The following DAB1 variants were observed in gnomAD, a reference collection of about 807,000 sequenced individuals.
DAB1 encodes DAB adaptor protein 1.
DAB1 carries 15 observed loss-of-function variants against 64.6 expected under a neutral mutation model. That is an observed-to-expected ratio of 0.23 (90% CI 0.16 to 0.36). The LOEUF (loss-of-function observed/expected upper bound fraction) is 0.36, where lower values mean the gene tolerates loss of function less well. Ranked by LOEUF, DAB1 falls within the 10% of genes least tolerant of loss-of-function variation. The pLI, the probability that DAB1 is intolerant of heterozygous loss-of-function variation, is 1.00. For missense variants in DAB1, 596 were observed against 706.7 expected (o/e 0.84, Z 1.78); for synonymous variants, 235 against 251.9 (o/e 0.93, Z 0.64).
chr1:58,535,050 TAAGA>T (rs1646495092), intron 1 of DAB1, among the ~76,000 whole-genome samples: 1 of 152,150 alleles, frequency 6.6e-6, no homozygotes, highest in Admixed American at 6.5e-5. Context: ...CTATACCTAA[TAAGA>T]AAGTTAAACT....
chr1:58,470,463 C>T (rs6685601), intron 3 of DAB1, among the ~76,000 whole-genome samples: 7,263 of 151,568 alleles, frequency 0.048, 229 homozygotes, highest in East Asian at 0.11. Context: ...CATGAGCCAC[C>T]GCACCTAGCC....
intron 5 of DAB1, among the ~76,000 whole-genome samples, chr1:57,941,831 T>C (rs962160704): frequency 6.6e-6 from 1 of 151,578 alleles, no homozygotes; most frequent in East Asian, 1.9e-4. Flanking sequence ...TGAGACTCCG[T>C]CTCTTAAAAA....
At chr1:57,615,022 A>G (rs1343327586) in intron 7 of DAB1, among the ~76,000 whole-genome samples, 1 of 149,612 alleles carries the variant, frequency 6.7e-6, no homozygotes, top group African/African-American at 2.5e-5. Context: ...GGCACCCACC[A>G]CCGCGCCTGG....
chr1:58,067,450 G>A (rs1557635206), intron 5 of DAB1, among the ~76,000 whole-genome samples: 2 of 152,184 alleles, frequency 1.3e-5, no homozygotes, highest in Admixed American at 6.5e-5. Flanking sequence ...CATAGTTCTT[G>A]TGTGGTTAAG....
In DAB1 at chr1:58,083,523, C is replaced by T. The variant is rs570642062; in HGVS notation, n.387+66988G>A. ...ATGAATGAATGCTGCAAACTCAGGACAGAGTCTGTTTAACTATATATGAAT... is the reference window on the plus strand; with the variant it reads ...ATGAATGAATGCTGCAAACTCAGGATAGAGTCTGTTTAACTATATATGAAT... On this transcript the variant is annotated intron_variant and non_coding_transcript_variant, in intron 5 of 20. Transcript: ENST00000485760. Among the ~76,000 whole-genome samples the T allele has an allele frequency of 9.8e-5, 15 of 152,346 alleles. 1 individual carries two copies. The South Asian group carries it at 3.1e-3, about 32-fold the overall frequency.
chr1:57,161,425 A>G (rs1436194052), intron 2 of DAB1, among the ~76,000 whole-genome samples: 2 of 152,144 alleles, frequency 1.3e-5, no homozygotes, highest in Non-Finnish European at 2.9e-5. Flanking sequence ...TGTAAGACAG[A>G]GCAGGGTGAT....
At chr1:57,099,332 C>T (rs1171378582) in intron 4 of DAB1, among the ~76,000 whole-genome samples, 1 of 152,206 alleles carries the variant, frequency 6.6e-6, no homozygotes. Flanking sequence ...TTGTGTTTAG[C>T]ATGATGTCTG....
At chr1:57,848,097 A>G in intron 1 of DAB1, among the ~76,000 whole-genome samples, 1 of 152,220 alleles carries the variant, frequency 6.6e-6, no homozygotes, top group Non-Finnish European at 1.5e-5. Flanking sequence ...GCCCCTTTCA[A>G]GTATTATGTT....
At chr1:57,261,861 G>C (rs965309311) in intron 2 of DAB1, among the ~76,000 whole-genome samples, 1 of 152,126 alleles carries the variant, frequency 6.6e-6, no homozygotes, top group African/African-American at 2.4e-5. Context: ...GATGAAGTGC[G>C]GTAAAAAATG....
In DAB1 at chr1:57,084,078, C is replaced by A. The variant is rs114201219; in HGVS notation, c.307-11664G>T. 7.2e-3 allele frequency among the ~76,000 whole-genome samples: 1,094 copies of A among 152,250 alleles called. 20 individuals carry two copies. The highest frequency in any genetic ancestry group is 0.025 in the African/African-American group (1,027 of 41,530). On this transcript the variant is annotated intron_variant, in intron 4 of 14. Transcript: ENST00000371236. ...AAGTGTTGAATTATGCCCCCAACCCCCATTCATATATTGAAGTCCTAAACT... is the reference window on the plus strand; with the variant it reads ...AAGTGTTGAATTATGCCCCCAACCCACATTCATATATTGAAGTCCTAAACT...
chr1:58,371,425 T>C (rs1299773384), intron 3 of DAB1, among the ~76,000 whole-genome samples: 3 of 152,232 alleles, frequency 2.0e-5, no homozygotes, highest in East Asian at 3.9e-4. Context: ...AAGAGATGGT[T>C]TGAAATTGGA....
rs938249964 is a variant in DAB1, at chr1:56,996,419, A to G, written c.*1725T>C. 3.9e-5 allele frequency: 6 copies of G among 152,234 alleles called. No individual in the cohort carries two copies. The highest frequency in any genetic ancestry group is 2.6e-4 in the Admixed American group (4 of 15,278). 9.4% of individuals were successfully genotyped at this position (152,234 alleles called of 1,614,324 possible). A position where few individuals can be genotyped will look rare whatever the true frequency, so the allele number is the denominator to read the frequency against. ...TAACAATTCTCTGTAGGGCAAAAATATATAGATTCTTTATGAAAATCATGT... is the reference window on the plus strand; with the variant it reads ...TAACAATTCTCTGTAGGGCAAAAATGTATAGATTCTTTATGAAAATCATGT... On this transcript the variant is annotated 3_prime_UTR_variant, in exon 15 of 15. Transcript: ENST00000371236.
Position 57,228,127 on chromosome 1 carries a change from T to C in DAB1, c.67+62837A>G, listed in dbSNP as rs191114066. On this transcript the variant is annotated intron_variant, in intron 2 of 14. Coordinates refer to ENST00000371236, the MANE Select transcript of DAB1 (RefSeq NM_001365792.1). Reference sequence around the variant, plus strand: ...GCCTATAATAGGGCCTGGAACACAGTACCTGCTCAATAAGCCTTAATATCT... The same window carrying C: ...GCCTATAATAGGGCCTGGAACACAGCACCTGCTCAATAAGCCTTAATATCT... Among the ~76,000 whole-genome samples the C allele has an allele frequency of 1.6e-4, 25 of 152,298 alleles. No individual in the cohort carries two copies. The Middle Eastern group carries it at 0.01, about 62-fold the overall frequency.
chr1:58,118,503 TACACACACACACACAC>T (rs34017384), intron 5 of DAB1, among the ~76,000 whole-genome samples: 8 of 53,102 alleles, frequency 1.5e-4, no homozygotes, highest in African/African-American at 6.2e-4. Flanking sequence ...TATATATATA[TACACACACACACACAC>T]ACATATATAT....
chr1:58,037,324 C>A (rs889516709), intron 5 of DAB1, among the ~76,000 whole-genome samples: 1 of 152,048 alleles, frequency 6.6e-6, no homozygotes, highest in Non-Finnish European at 1.5e-5. Flanking sequence ...AGCTCTGAGG[C>A]GGGGTCTATG....
chr1:57,920,709 G>A (rs930730956), intron 5 of DAB1, among the ~76,000 whole-genome samples: 14 of 152,142 alleles, frequency 9.2e-5, no homozygotes, highest in African/African-American at 3.1e-4. Context: ...GAGCTGTTTT[G>A]GAGACTAAAT....
intron 5 of DAB1, among the ~76,000 whole-genome samples, chr1:58,050,763 T>C (rs1647593132): frequency 6.6e-6 from 1 of 152,048 alleles, no homozygotes; most frequent in Non-Finnish European, 1.5e-5. Context: ...TCTCCTAATC[T>C]CGTGATCCGC....
At chr1:58,173,038 G>C (rs927237164) in intron 4 of DAB1, among the ~76,000 whole-genome samples, 2 of 152,232 alleles carry the variant, frequency 1.3e-5, no homozygotes, top group East Asian at 3.9e-4. Context: ...AGGTGAAGGA[G>C]AAAAGGCAGA....
chr1:57,358,283 TC>T (rs944181980), intron 1 of DAB1, among the ~76,000 whole-genome samples: 3 of 152,150 alleles, frequency 2.0e-5, no homozygotes, highest in South Asian at 2.1e-4. Flanking sequence ...TAGTTGCGGG[TC>T]CTTCTTATAT....
Sources: gnomAD v4.1 joint callset for allele counts (sites outside exome capture counted in the v4.1 genomes callset) on GRCh38, gnomAD v4.1.1 for gene constraint, MANE v1.5 for transcripts, NCBI Gene and HGNC (gene_info 2026-07-23, HGNC 2026-07-21) for gene names.